The following VIT variants were observed in gnomAD, a reference collection of about 807,000 sequenced individuals.
VIT encodes vitrin.
A neutral mutation model predicts 78.0 loss-of-function variants in VIT; 99 were observed. That is an observed-to-expected ratio of 1.27 (90% CI 1.08 to 1.50). The LOEUF is 1.50. Among genes scored for constraint, VIT ranks in the 40% most tolerant of loss-of-function variants. The pLI is 0.00. For missense variants in VIT, 1,126 were observed against 875.3 expected (o/e 1.29, Z -3.61); for synonymous variants, 374 against 334.3 (o/e 1.12, Z -1.29).
chr2:36,800,485 C>T (rs1666242037), intron 12 of VIT, among the ~76,000 whole-genome samples: 1 of 152,222 alleles, frequency 6.6e-6, no homozygotes, highest in Non-Finnish European at 1.5e-5. Context: ...GCCTTTCTGA[C>T]TGAGGCTCTT....
At chr2:36,729,582 T>A in intron 3 of VIT, 91 bp downstream of exon 3, 2 of 1,386,030 alleles carry the variant, frequency 1.4e-6, no homozygotes, top group Non-Finnish European at 2.0e-6. Context: ...TTTGTTTTGG[T>A]TTGGTTTTTA....
chr2:36,810,022 T>C (rs1185571223), intron 15 of VIT, among the ~76,000 whole-genome samples: 1 of 135,840 alleles, frequency 7.4e-6, no homozygotes, highest in Non-Finnish European at 1.5e-5. Flanking sequence ...CCAGGCACAA[T>C]GGCCCACGCC....
At chr2:36,731,408 G>A (rs993893967) in intron 3 of VIT, among the ~76,000 whole-genome samples, 2 of 152,052 alleles carry the variant, frequency 1.3e-5, no homozygotes, top group African/African-American at 4.8e-5. Flanking sequence ...CAAGTAGCTG[G>A]GACTACAGGC....
chr2:36,776,582 T>C (rs1670058993), intron 9 of VIT, among the ~76,000 whole-genome samples: 1 of 148,180 alleles, frequency 6.7e-6, no homozygotes, highest in Admixed American at 6.7e-5. Context: ...AGGTGGATCA[T>C]TTGAGCTCAA....
chr2:36,700,727 C>A lies in VIT; in HGVS notation c.-19+3754C>A, dbSNP rs186979565. The stretch of plus-strand genomic sequence containing the variant: ...CTCCAGCCTGGGTGACACAGCAAGA[C>A]CCTATCTCAATTAAATAATAATAAT... On this transcript the variant is annotated intron_variant, in intron 1 of 15. Transcript: ENST00000379242. 4.2e-3 allele frequency among the ~76,000 whole-genome samples: 610 copies of A among 145,798 alleles called. 4 individuals carry two copies. The highest frequency in any genetic ancestry group is 0.015 in the African/African-American group (577 of 39,078).
rs11124542 is a variant in VIT at position 36,767,296 on chromosome 2, A to C, written c.679+11A>C. On this transcript the variant is annotated intron_variant, in intron 7 of 15. Coordinates refer to ENST00000379242, the MANE Select transcript of VIT (RefSeq NM_053276.4). The stretch of plus-strand genomic sequence containing the variant: ...GGAGCCAGGAGATGGGTCAGTAGGT[A>C]GACCATGTGTTGCTTTGTGCTAGGG... 0.42 allele frequency: 637,229 copies of C among 1,521,904 alleles called. 135,652 individuals carry two copies. Among genetic ancestry groups the C allele is most frequent in the African/African-American group, 0.55 (38,995 of 71,348 alleles). The allele number at this position is 1,521,904 out of a possible 1,614,324, so 94.3% of individuals were successfully genotyped here.
chr2:36,758,371 T>C (rs945260345), intron 5 of VIT, among the ~76,000 whole-genome samples: 11 of 152,220 alleles, frequency 7.2e-5, no homozygotes, highest in Non-Finnish European at 1.6e-4. Context: ...CCTTTTATGG[T>C]CAGAAGAAGA....
chr2:36,705,809 A>C (rs1665380992), intron 1 of VIT, among the ~76,000 whole-genome samples: 1 of 152,196 alleles, frequency 6.6e-6, no homozygotes, highest in Admixed American at 6.5e-5. Flanking sequence ...CATTCTCATA[A>C]ATCAGTTTCT....
rs779881346 is a variant in VIT at position 36,814,406 on chromosome 2, ACGTGTTGGACCACCCCAC to A, written c.*48_*65del. 4 of 1,605,180 alleles carry A rather than the reference ACGTGTTGGACCACCCCAC, an allele frequency of 2.5e-6. No individual in the cohort carries two copies. Among genetic ancestry groups the A allele is most frequent in the Non-Finnish European group, 3.4e-6 (4 of 1,175,202 alleles). ...CCAGCAAGTGCTGCTTTACTAACTG[ACGTGTTGGACCACCCCAC>A]CGCTTAATGGGGCACGCACGGTGCA... On this transcript the variant is annotated 3_prime_UTR_variant, in exon 16 of 16. Transcript: ENST00000379242.
chr2:36,794,427 AC>A (rs1205882371), intron 12 of VIT, among the ~76,000 whole-genome samples: 2 of 152,208 alleles, frequency 1.3e-5, no homozygotes, highest in African/African-American at 4.8e-5. Flanking sequence ...ACCTCTTTGA[AC>A]TTTTAGTCTC....
intron 1 of VIT, among the ~76,000 whole-genome samples, chr2:36,715,719 C>G (rs548778757): frequency 9.9e-5 from 15 of 152,172 alleles, no homozygotes; most frequent in Non-Finnish European, 2.2e-4. Context: ...TTTTTAAACT[C>G]CCAGGTGATA....
At position 36,767,273 on chromosome 2, in the gene VIT, A is replaced by G; in HGVS notation, c.667A>G (p.Ser223Gly). Residue 223 changes from serine (S) to glycine (G), a missense_variant, in exon 7 of 16, where the codon AGC (serine) becomes GGC (glycine). Physicochemically the swap from Ser to Gly is moderately conservative, Grantham distance 56. Coordinates refer to ENST00000379242, the MANE Select transcript of VIT (RefSeq NM_053276.4). ...IPRPQSVGHR[S>G]QEMDLWSTAT... is the part of the protein sequence containing the mutation. ...CAGACCACAATCAGTGGGCCACAGG[A>G]GCCAGGAGATGGGTCAGTAGGTAGA... 1 of 1,570,646 alleles carries G rather than the reference A, an allele frequency of 6.4e-7. No individual in the cohort carries two copies. The highest frequency in any genetic ancestry group is 1.9e-5 in the Admixed American group (1 of 52,684).
At chr2:36,806,681 G>A (rs1488781079) in intron 14 of VIT, among the ~76,000 whole-genome samples, 2 of 152,128 alleles carry the variant, frequency 1.3e-5, no homozygotes, top group African/African-American at 2.4e-5. Flanking sequence ...CAAATAGCTG[G>A]GACTACAGGC....
chr2:36,702,257 C>T (rs1665106582), intron 1 of VIT, among the ~76,000 whole-genome samples: 1 of 151,984 alleles, frequency 6.6e-6, no homozygotes, highest in Admixed American at 6.6e-5. Context: ...AAAGGGAAGC[C>T]CAAGGGTGCG....
chr2:36,766,387 G>T (rs1211687269), intron 6 of VIT, among the ~76,000 whole-genome samples: 2 of 151,980 alleles, frequency 1.3e-5, no homozygotes, highest in Non-Finnish European at 1.5e-5. Context: ...TTTAAATTAG[G>T]CAGGTATGGT....
Position 36,696,733 on chromosome 2 carries a change from T to C in VIT, c.-259T>C, listed in dbSNP as rs906668867. 4.7e-5 allele frequency: 7 copies of C among 150,032 alleles called. No homozygotes were observed. The highest frequency in any genetic ancestry group is 3.0e-5 in the Non-Finnish European group (2 of 67,570). The allele number at this position is 150,032 out of a possible 1,614,324, so 9.3% of individuals were successfully genotyped here. ...GTGTGAGAAGCAGTATGTGTGAGCATGTGTGTGTGTGTATGTGTGTGGGGG... is the reference window on the plus strand; with the variant it reads ...GTGTGAGAAGCAGTATGTGTGAGCACGTGTGTGTGTGTATGTGTGTGGGGG... On this transcript the variant is annotated 5_prime_UTR_variant, in exon 1 of 16. The change abolishes an upstream ATG in the 5' untranslated region. Transcript: ENST00000379242.
chr2:36,705,572 G>T (rs769529691), intron 1 of VIT, among the ~76,000 whole-genome samples: 15 of 151,996 alleles, frequency 9.9e-5, no homozygotes, highest in Admixed American at 1.3e-4. Context: ...CTAATGGCAC[G>T]GGCATACATC....
In VIT at chr2:36,805,596, T is replaced by C. The variant is rs1666659950; in HGVS notation, c.1321T>C (p.Phe441Leu). ...GAGAGAGTCAGGAATCAACATTTTCTTCATCACCATTGAAGGTGCTGCTGA... is the reference window on the plus strand; with the variant it reads ...GAGAGAGTCAGGAATCAACATTTTCCTCATCACCATTGAAGGTGCTGCTGA... Reference protein sequence around the residue: ...LARESGINIFFITIEGAAENE... With the variant: ...LARESGINIFLITIEGAAENE... The change falls in exon 14 of 16, where the codon TTC (phenylalanine) becomes CTC (leucine). Residue 441 changes from phenylalanine (F) to leucine (L), a missense_variant. Physicochemically the swap from Phe to Leu is conservative, Grantham distance 22 (BLOSUM62 0). Coordinates refer to ENST00000379242, the MANE Select transcript of VIT (RefSeq NM_053276.4). 6.2e-7 allele frequency: 1 copy of C among 1,613,994 alleles called. No individual in the cohort carries two copies. The highest frequency in any genetic ancestry group is 1.3e-5 in the African/African-American group (1 of 74,892).
chr2:36,775,221 G>C (rs558941670), intron 9 of VIT, among the ~76,000 whole-genome samples, 154 bp downstream of exon 9: 1 of 152,168 alleles, frequency 6.6e-6, no homozygotes, highest in Non-Finnish European at 1.5e-5. Context: ...TTTTAACCTC[G>C]AGAAAATGTC....
Sources: gnomAD v4.1 joint callset for allele counts (sites outside exome capture counted in the v4.1 genomes callset) on GRCh38, gnomAD v4.1.1 for gene constraint, MANE v1.5 for transcripts, NCBI Gene and HGNC (gene_info 2026-07-23, HGNC 2026-07-21) for gene names.